PTPN9: variants seen among roughly 807,000 people sequenced by gnomAD.
PTPN9 encodes protein tyrosine phosphatase non-receptor type 9.
In PTPN9, 26 loss-of-function variants were observed where a neutral mutation model predicts 69.8. That is an observed-to-expected ratio of 0.37 (90% CI 0.27 to 0.52). The LOEUF (loss-of-function observed/expected upper bound fraction) is 0.52, where lower values mean the gene tolerates loss of function less well. Ranked by LOEUF, PTPN9 falls within the 20% of genes least tolerant of loss-of-function variation. The pLI, the probability that PTPN9 is intolerant of heterozygous loss-of-function variation, is 0.91. For synonymous variants in PTPN9, 274 were observed against 272.5 expected (o/e 1.01, Z -0.05); for missense variants, 549 against 740.3 (o/e 0.74, Z 3.00).
At chr15:75,522,035 A>G (rs920045971) in intron 4 of PTPN9, among the ~76,000 whole-genome samples, 1 of 152,200 alleles carries the variant, frequency 6.6e-6, no homozygotes, top group Admixed American at 6.5e-5. Context: ...CCGGAGGACC[A>G]GCCAAAGATG....
At chr15:75,500,561 G>GAATA (rs529318390) in intron 7 of PTPN9, among the ~76,000 whole-genome samples, 339 of 152,134 alleles carry the variant, frequency 2.2e-3, no homozygotes, top group Non-Finnish European at 3.3e-3. Context: ...GACTTTAAGG[G>GAATA]AATAACTGTT....
intron 7 of PTPN9, among the ~76,000 whole-genome samples, chr15:75,502,109 A>C (rs990476167): frequency 1.3e-5 from 2 of 152,064 alleles, no homozygotes; most frequent in African/African-American, 4.8e-5. Context: ...AAAAGGATAA[A>C]AGAAAAGAAA....
chr15:75,499,051 T>TA (rs1324728939), intron 7 of PTPN9, among the ~76,000 whole-genome samples: 1 of 152,198 alleles, frequency 6.6e-6, no homozygotes, highest in Non-Finnish European at 1.5e-5. Flanking sequence ...CATTATTTCT[T>TA]ACAACTGCAG....
intron 6 of PTPN9, among the ~76,000 whole-genome samples, chr15:75,508,016 T>C (rs1430781255): frequency 8.3e-6 from 1 of 120,158 alleles, no homozygotes; most frequent in East Asian, 2.4e-4. Context: ...CACTCCAGCC[T>C]AGGCAACAGA....
intron 9 of PTPN9, among the ~76,000 whole-genome samples, chr15:75,477,386 G>C (rs1430504368): frequency 1.7e-4 from 26 of 152,222 alleles, no homozygotes; most frequent in Admixed American, 6.6e-5. Flanking sequence ...CTTCAGGCCG[G>C]GAGTTCGAGA....
At chr15:75,473,840 T>C (rs1321792978) in intron 9 of PTPN9, 73 bp from the exon 10 acceptor site, 4 of 1,159,488 alleles carry the variant, frequency 3.4e-6, no homozygotes, top group Admixed American at 1.8e-5. Flanking sequence ...GCTTCTGTTT[T>C]ACTCCCCAAT....
Position 75,468,496 on chromosome 15 carries a change from A to G in PTPN9, c.*273T>C, listed in dbSNP as rs1315607321. On this transcript the variant is annotated 3_prime_UTR_variant, in exon 13 of 13. Coordinates refer to ENST00000618819, the MANE Select transcript of PTPN9 (RefSeq NM_002833.4). ...CCCACTTACCTCGGGGACCCTAGCA[A>G]AAATCAATAGCCACAATTTGGTTTT... 4 of 313,290 alleles carry G rather than the reference A, an allele frequency of 1.3e-5. No individual in the cohort carries two copies. Among genetic ancestry groups the G allele is most frequent in the Non-Finnish European group, 2.4e-5 (4 of 168,014 alleles). 19.4% of individuals were successfully genotyped at this position (313,290 alleles called of 1,614,324 possible).
At chr15:75,570,063 C>T (rs946079556) in intron 1 of PTPN9, among the ~76,000 whole-genome samples, 1 of 152,098 alleles carries the variant, frequency 6.6e-6, no homozygotes, top group Non-Finnish European at 1.5e-5. Flanking sequence ...TTGTGATCCA[C>T]CCGCCTCGGC....
intron 2 of PTPN9, among the ~76,000 whole-genome samples, chr15:75,525,819 T>A (rs1401863810): frequency 1.3e-5 from 2 of 151,172 alleles, no homozygotes; most frequent in East Asian, 4.0e-4. Flanking sequence ...CTCGGGAGGC[T>A]AAGGTGAGGT....
chr15:75,530,537 T>TATTA (rs1555456000), intron 1 of PTPN9, among the ~76,000 whole-genome samples: 5 of 37,526 alleles, frequency 1.3e-4, no homozygotes, highest in African/African-American at 6.3e-4. Context: ...TTATATAATA[T>TATTA]TATTATATTA....
At chr15:75,485,020 C>CG (rs766068895) in intron 8 of PTPN9, among the ~76,000 whole-genome samples, 19 of 152,170 alleles carry the variant, frequency 1.2e-4, no homozygotes, top group Non-Finnish European at 2.8e-4. Flanking sequence ...GTGATAAACT[C>CG]GGAGTTTTCC....
intron 8 of PTPN9, among the ~76,000 whole-genome samples, chr15:75,485,037 T>C (rs2074666151): frequency 6.6e-6 from 1 of 152,186 alleles, no homozygotes; most frequent in African/African-American, 2.4e-5. Flanking sequence ...TTCCCTCCCA[T>C]AGCAGCTAGT....
chr15:75,481,126 C>G lies in PTPN9; in HGVS notation c.1063-1212G>C, dbSNP rs1402168013. ...TGGGGAGCGCCTCTGCCCCGCCGCC[C>G]CATCTGGGATGTGAGGAGCGCCTCT... is the stretch of plus-strand genomic sequence containing the variant. On this transcript the variant is annotated intron_variant, in intron 8 of 12. Coordinates refer to ENST00000618819, the MANE Select transcript of PTPN9 (RefSeq NM_002833.4). Among the ~76,000 whole-genome samples, 149 of 61,490 alleles carry G rather than the reference C, an allele frequency of 2.4e-3. 1 individual carries two copies. The highest frequency in any genetic ancestry group is 9.8e-3 in the African/African-American group (140 of 14,292). The allele number at this position is 61,490 out of a possible 152,430, so 40.3% of individuals were successfully genotyped here. A position where few individuals can be genotyped will look rare whatever the true frequency, so the allele number is the denominator to read the frequency against.
intron 8 of PTPN9, among the ~76,000 whole-genome samples, chr15:75,486,397 T>TC (rs1190383169): frequency 3.9e-5 from 6 of 152,062 alleles, no homozygotes; most frequent in African/African-American, 1.5e-4. Flanking sequence ...CCTCACCCCT[T>TC]CCCCTTCTGC....
At chr15:75,573,336 T>C (rs954101038) in intron 1 of PTPN9, among the ~76,000 whole-genome samples, 4 of 152,234 alleles carry the variant, frequency 2.6e-5, no homozygotes, top group African/African-American at 7.2e-5. Flanking sequence ...ACTGTTACGA[T>C]TGTTATTCAT....
chr15:75,472,733 C>T (rs1056247591), intron 10 of PTPN9, among the ~76,000 whole-genome samples: 2 of 146,750 alleles, frequency 1.4e-5, no homozygotes, highest in African/African-American at 2.5e-5. Flanking sequence ...GAACTGAGAT[C>T]GAGCCATTGT....
intron 2 of PTPN9, among the ~76,000 whole-genome samples, chr15:75,525,896 G>C (rs1049720975): frequency 1.3e-5 from 2 of 151,778 alleles, no homozygotes; most frequent in African/African-American, 4.8e-5. Context: ...CTTCACTTCA[G>C]TCTGGGAGAC....
At chr15:75,554,445 C>T (rs1595969027) in intron 1 of PTPN9, among the ~76,000 whole-genome samples, 2 of 152,220 alleles carry the variant, frequency 1.3e-5, no homozygotes, top group East Asian at 3.9e-4. Flanking sequence ...CCGCCCGCCT[C>T]AGCCTTCCCA....
intron 7 of PTPN9, among the ~76,000 whole-genome samples, chr15:75,493,764 A>T (rs1481511898): frequency 6.8e-6 from 1 of 147,968 alleles, no homozygotes; most frequent in African/African-American, 2.5e-5. Context: ...CCGTCTCATT[A>T]AAAAAAAAAG....
Sources: gnomAD v4.1 joint callset for allele counts (sites outside exome capture counted in the v4.1 genomes callset) on GRCh38, gnomAD v4.1.1 for gene constraint, MANE v1.5 for transcripts, NCBI Gene and HGNC (gene_info 2026-07-23, HGNC 2026-07-21) for gene names.